ROBO1: variants seen among roughly 807,000 people sequenced by gnomAD.
ROBO1 encodes the protein roundabout guidance receptor 1, also known as roundabout homolog 1.
In ROBO1, 149 loss-of-function variants were observed where a neutral mutation model predicts 195.9. The observed-to-expected ratio is 0.76, with a 90% confidence interval of 0.67 to 0.87. The LOEUF (loss-of-function observed/expected upper bound fraction) is 0.87. ROBO1 is among the 40% of genes least tolerant of loss of function. The probability of loss-of-function intolerance (pLI) is 0.00; values close to 1 mark genes in which losing one functional copy is unlikely to be tolerated. For synonymous variants in ROBO1, 816 were observed against 733.2 expected (o/e 1.11, Z -1.82); for missense variants, 1,933 against 2,068.3 (o/e 0.93, Z 1.27).
At chr3:79,766,655 G>T (rs1705013985) in intron 1 of ROBO1, among the ~76,000 whole-genome samples, 2 of 152,052 alleles carry the variant, frequency 1.3e-5, no homozygotes, top group African/African-American at 4.8e-5. Flanking sequence ...CGCAGGGCTC[G>T]CCTGCTTCTC....
intron 3 of ROBO1, among the ~76,000 whole-genome samples, chr3:79,057,942 C>T (rs1434953142): frequency 6.6e-6 from 1 of 152,010 alleles, no homozygotes; most frequent in Non-Finnish European, 1.5e-5. Context: ...CCCCTCTGTG[C>T]CTCAGACATG....
intron 3 of ROBO1, among the ~76,000 whole-genome samples, chr3:79,117,553 G>T (rs367833243): frequency 6.6e-6 from 1 of 152,094 alleles, no homozygotes; most frequent in African/African-American, 2.4e-5. Flanking sequence ...AAGTGAGGAA[G>T]AAACTTCCAT....
chr3:79,229,412 G>T (rs2082283702), intron 2 of ROBO1, among the ~76,000 whole-genome samples: 1 of 152,096 alleles, frequency 6.6e-6, no homozygotes, highest in South Asian at 2.1e-4. Flanking sequence ...GACTGAATAA[G>T]TTAGGGTGTT....
At chr3:79,708,027 T>C (rs1210619100) in intron 1 of ROBO1, among the ~76,000 whole-genome samples, 1 of 152,182 alleles carries the variant, frequency 6.6e-6, no homozygotes, top group Non-Finnish European at 1.5e-5. Flanking sequence ...CTGTTTTCCT[T>C]TTAAGAAACT....
intron 2 of ROBO1, among the ~76,000 whole-genome samples, chr3:79,163,780 A>G (rs926484340): frequency 2.0e-5 from 3 of 152,128 alleles, no homozygotes; most frequent in African/African-American, 7.2e-5. Context: ...TGAAACAAAG[A>G]AAAGGATCCT....
intron 2 of ROBO1, among the ~76,000 whole-genome samples, chr3:79,200,736 CCAAA>C (rs1391210904): frequency 1.3e-5 from 2 of 151,666 alleles, no homozygotes; most frequent in Admixed American, 6.6e-5. Flanking sequence ...TGTGAGATAA[CCAAA>C]CAATGTTTAG....
chr3:79,456,684 T>A (rs1430657799), intron 2 of ROBO1, among the ~76,000 whole-genome samples: 1 of 152,192 alleles, frequency 6.6e-6, no homozygotes, highest in Admixed American at 6.5e-5. Context: ...ATTTCTTGTG[T>A]CAGACCTAGA....
At chr3:79,201,833 GTAA>G (rs1275350346) in intron 2 of ROBO1, among the ~76,000 whole-genome samples, 9 of 150,894 alleles carry the variant, frequency 6.0e-5, no homozygotes, top group East Asian at 3.9e-4. Context: ...TATTGTTGTA[GTAA>G]TAATTATTCA....
At chr3:79,376,718 T>C (rs2036398645) in intron 2 of ROBO1, among the ~76,000 whole-genome samples, 1 of 152,182 alleles carries the variant, frequency 6.6e-6, no homozygotes, top group Non-Finnish European at 1.5e-5. Context: ...CCCTCTTTCC[T>C]TTATAAGTTA....
At chr3:79,635,328 A>G (rs1945465414) in intron 1 of ROBO1, among the ~76,000 whole-genome samples, 1 of 152,208 alleles carries the variant, frequency 6.6e-6, no homozygotes, top group Admixed American at 6.5e-5. Context: ...CTAATTTCCA[A>G]CAGGGTGTAT....
At chr3:79,473,829 C>A (rs1312004961) in intron 2 of ROBO1, among the ~76,000 whole-genome samples, 1 of 151,656 alleles carries the variant, frequency 6.6e-6, no homozygotes. Flanking sequence ...ATAAGAATAC[C>A]CTTAATAAAC....
chr3:78,977,070 GAACA>G lies in ROBO1; in HGVS notation c.173-38147_173-38144del, dbSNP rs573031571. ...ATTGGTAAAACAAAAACAAAAACAA[GAACA>G]AACAAACAAAAAACACTTCTTTCTC... On this transcript the variant is annotated intron_variant, in intron 3 of 30. Coordinates refer to ENST00000464233, the MANE Select transcript of ROBO1 (RefSeq NM_002941.4). 7.9e-5 allele frequency among the ~76,000 whole-genome samples: 12 copies of G among 152,020 alleles called. No individual in the cohort carries two copies. The South Asian group carries it at 1.7e-3, about 21-fold the overall frequency.
intron 3 of ROBO1, among the ~76,000 whole-genome samples, chr3:79,107,908 TTG>T: frequency 6.6e-6 from 1 of 151,794 alleles, no homozygotes; most frequent in South Asian, 2.1e-4. Flanking sequence ...ATAAAACAAA[TTG>T]TGTTAGTTGC....
chr3:79,242,343 T>C (rs2082535048), intron 2 of ROBO1, among the ~76,000 whole-genome samples: 1 of 152,152 alleles, frequency 6.6e-6, no homozygotes, highest in African/African-American at 2.4e-5. Context: ...TATGCCTGTA[T>C]TCTCCACTTA....
intron 1 of ROBO1, among the ~76,000 whole-genome samples, chr3:79,660,663 T>A (rs541023569): frequency 2.0e-5 from 3 of 152,096 alleles, no homozygotes; most frequent in Non-Finnish European, 4.4e-5. Flanking sequence ...GGGATAATAA[T>A]GGCCATGACC....
intron 1 of ROBO1, among the ~76,000 whole-genome samples, chr3:79,675,666 C>A (rs6548647): frequency 0.31 from 46,904 of 151,846 alleles, 8,771 homozygotes; most frequent in African/African-American, 0.53. Flanking sequence ...AAAATCATTT[C>A]TTTTGATTGC....
At chr3:79,326,367 C>T (rs373243253) in intron 2 of ROBO1, among the ~76,000 whole-genome samples, 10 of 152,234 alleles carry the variant, frequency 6.6e-5, no homozygotes, top group East Asian at 1.9e-4. Flanking sequence ...TGGGGCATCA[C>T]GGAACCTGCC....
intron 3 of ROBO1, among the ~76,000 whole-genome samples, chr3:79,017,457 G>GTGTC (rs1037845838): frequency 2.1e-5 from 3 of 145,074 alleles, no homozygotes; most frequent in Non-Finnish European, 4.6e-5. Flanking sequence ...TGCAGTGTGT[G>GTGTC]TGTGTGTGTG....
chr3:78,679,069 A>T (rs1417962600), intron 10 of ROBO1, among the ~76,000 whole-genome samples: 1 of 152,234 alleles, frequency 6.6e-6, no homozygotes, highest in African/African-American at 2.4e-5. Context: ...AACCAAAGAC[A>T]AAAACCACAT....
Sources: gnomAD v4.1 joint callset for allele counts (sites outside exome capture counted in the v4.1 genomes callset) on GRCh38, gnomAD v4.1.1 for gene constraint, MANE v1.5 for transcripts, NCBI Gene and HGNC (gene_info 2026-07-23, HGNC 2026-07-21) for gene names.